The following DAPK2 variants were observed in gnomAD, a reference collection of about 807,000 sequenced individuals.
DAPK2 encodes the protein death associated protein kinase 2.
A neutral mutation model predicts 44.1 loss-of-function variants in DAPK2; 35 were observed. The ratio of observed to expected loss-of-function variants is 0.79; its 90% CI spans 0.61 to 1.05. The LOEUF (loss-of-function observed/expected upper bound fraction) is 1.05, where lower values mean the gene tolerates loss of function less well. Ranked by LOEUF, DAPK2 falls within the 50% of genes least tolerant of loss-of-function variation. The pLI, the probability that DAPK2 is intolerant of heterozygous loss-of-function variation, is 0.00. For missense variants in DAPK2, 453 were observed against 483.2 expected (o/e 0.94, Z 0.59); for synonymous variants, 174 against 182.6 (o/e 0.95, Z 0.38).
intron 3 of DAPK2, among the ~76,000 whole-genome samples, chr15:63,971,088 A>C (rs2078199541): frequency 6.6e-6 from 1 of 152,206 alleles, no homozygotes. Flanking sequence ...TGAAAAGTTC[A>C]GTCTTGTGAA....
intron 1 of DAPK2, among the ~76,000 whole-genome samples, chr15:64,018,682 G>A (rs1313978006): frequency 2.6e-5 from 4 of 152,208 alleles, no homozygotes; most frequent in African/African-American, 9.6e-5. Context: ...GGGCTAACAA[G>A]GCCAGGATCC....
intron 3 of DAPK2, among the ~76,000 whole-genome samples, chr15:63,949,132 CCA>C (rs149786641): frequency 0.016 from 2,431 of 152,266 alleles, 38 homozygotes; most frequent in African/African-American, 0.042. Flanking sequence ...CCCAGAAAAC[CCA>C]CAGTTGTGGC....
chr15:63,981,435 G>A (rs1371797812), intron 2 of DAPK2, among the ~76,000 whole-genome samples: 1 of 152,034 alleles, frequency 6.6e-6, no homozygotes, highest in Non-Finnish European at 1.5e-5. Flanking sequence ...CTAAGACAAG[G>A]GAAATACTGG....
chr15:64,033,280 GGGAAGGGGGAA>G (rs1407917384), intron 1 of DAPK2, among the ~76,000 whole-genome samples: 4 of 83,000 alleles, frequency 4.8e-5, no homozygotes, highest in Admixed American at 1.4e-4. Flanking sequence ...AGGGGGAAGG[GGGAAGGGGGAA>G]GGAAGGAAGG....
chr15:64,009,871 C>G (rs1049706891), intron 1 of DAPK2, among the ~76,000 whole-genome samples: 1 of 152,128 alleles, frequency 6.6e-6, no homozygotes, highest in Non-Finnish European at 1.5e-5. Flanking sequence ...CTCAAGACTT[C>G]GAGGTGGTTA....
At chr15:64,043,509 C>G (rs547006094), upstream of DAPK2, among the ~76,000 whole-genome samples, 92 of 152,288 alleles carry the variant, frequency 6.0e-4, no homozygotes, top group Non-Finnish European at 1.2e-3. Flanking sequence ...TAGACAGACA[C>G]AAAAGACTGC....
chr15:64,000,350 C>T (rs2079053615), intron 1 of DAPK2, among the ~76,000 whole-genome samples: 1 of 152,168 alleles, frequency 6.6e-6, no homozygotes, highest in Non-Finnish European at 1.5e-5. Context: ...TCTCCCTGAA[C>T]AAATACGTGC....
intron 3 of DAPK2, among the ~76,000 whole-genome samples, chr15:63,965,336 C>G (rs1261778767): frequency 6.6e-6 from 1 of 152,240 alleles, no homozygotes; most frequent in Non-Finnish European, 1.5e-5. Context: ...TACTGACCTG[C>G]CTGGGGCTAG....
intron 1 of DAPK2, among the ~76,000 whole-genome samples, chr15:64,001,173 G>A (rs1394052490): frequency 6.6e-5 from 10 of 151,176 alleles, no homozygotes; most frequent in East Asian, 5.8e-4. Flanking sequence ...CACTGCACCC[G>A]GCCAGAGTCA....
chr15:63,929,965 A>G (rs745691148), intron 5 of DAPK2: 13 of 440,172 alleles, frequency 3.0e-5, no homozygotes, highest in Non-Finnish European at 4.7e-5. Flanking sequence ...ACTATAAAGC[A>G]GCGTCCAAAT....
chr15:63,982,999 A>G (rs965657997), intron 2 of DAPK2, among the ~76,000 whole-genome samples: 1 of 152,268 alleles, frequency 6.6e-6, no homozygotes, highest in Non-Finnish European at 1.5e-5. Context: ...CTTGGCTTAC[A>G]GTAGGACTCT....
In DAPK2 at chr15:63,912,258, C is replaced by G. The variant is rs554284723; in HGVS notation, c.859-61G>C. ...GGCTTCAGACAGCAGCCACCCTCCT[C>G]GCCGCAGAACTCCCCACCCACCGCA... is the stretch of plus-strand genomic sequence containing the variant. On this transcript the variant is annotated intron_variant, in intron 8 of 10. Transcript: ENST00000261891. This position sits in a 1 kb window ranked among gnomAD's most constrained non-coding sequence, Gnocchi z 4.4. 1.9e-6 allele frequency: 3 copies of G among 1,541,076 alleles called. No homozygotes were observed. The African/African-American group carries it at 4.1e-5, about 21-fold the overall frequency.
At chr15:63,973,538 G>A (rs933548932) in intron 2 of DAPK2, among the ~76,000 whole-genome samples, 4 of 152,112 alleles carry the variant, frequency 2.6e-5, no homozygotes, top group African/African-American at 4.8e-5. Context: ...TTTGTAACAC[G>A]ACATGTTTGA....
intron 3 of DAPK2, among the ~76,000 whole-genome samples, chr15:63,960,706 G>C (rs545670718): frequency 3.3e-5 from 5 of 152,220 alleles, no homozygotes; most frequent in African/African-American, 1.2e-4. Context: ...TTGCACTGTG[G>C]TCTGAGAGAC....
chr15:64,027,205 A>G (rs1474416191), intron 1 of DAPK2, among the ~76,000 whole-genome samples: 1 of 152,166 alleles, frequency 6.6e-6, no homozygotes, highest in Non-Finnish European at 1.5e-5. Flanking sequence ...AACATGGTGA[A>G]ACCCTGTCTC....
At chr15:63,934,979 A>ACAT (rs2077096805) in intron 4 of DAPK2, among the ~76,000 whole-genome samples, 1 of 151,954 alleles carries the variant, frequency 6.6e-6, no homozygotes. Flanking sequence ...ATTCAGAAGT[A>ACAT]CATCTTTTAG....
At chr15:64,010,999 T>A (rs16947693) in intron 1 of DAPK2, among the ~76,000 whole-genome samples, 81 of 152,234 alleles carry the variant, frequency 5.3e-4, no homozygotes, top group African/African-American at 1.8e-3. Context: ...TCTGGGGACA[T>A]AGCAACAACA....
At position 63,945,049 on chromosome 15, in the gene DAPK2, T is replaced by TA. The variant is rs567224262; in HGVS notation, c.454-5689dup. Among the ~76,000 whole-genome samples, 485 of 152,152 alleles carry TA rather than the reference T, an allele frequency of 3.2e-3. 2 individuals are homozygous for TA. The highest frequency in any genetic ancestry group is 5.8e-3 in the Non-Finnish European group (394 of 67,992). ...CCCTTACTTAGAGAGAATCTTTTTC[T>TA]AAAAAAAGAGATGAGATGTTGCCCA... On this transcript the variant is annotated intron_variant, in intron 3 of 10. Transcript: ENST00000261891.
chr15:63,987,990 T>TG, intron 1 of DAPK2, among the ~76,000 whole-genome samples: 1 of 151,920 alleles, frequency 6.6e-6, no homozygotes. Context: ...GCATGAGGTG[T>TG]GGGTGGGTGG....
Sources: allele counts gnomAD v4.1 joint callset (sites outside exome capture counted in the v4.1 genomes callset), GRCh38; gene constraint gnomAD v4.1.1; non-coding constraint Gnocchi (gnomAD v3.1); transcripts MANE v1.5; gene names NCBI Gene and HGNC (gene_info 2026-07-23, HGNC 2026-07-21).